Variants in SLC44A5 observed in about 807,000 individuals in gnomAD.
The protein encoded by SLC44A5 is solute carrier family 44 member 5.
In SLC44A5, 57 loss-of-function variants were observed where a neutral mutation model predicts 101.8. That is an observed-to-expected ratio of 0.56 (90% CI 0.45 to 0.70). The LOEUF is 0.70. SLC44A5 is among the 30% of genes least tolerant of loss of function. SLC44A5 has a pLI of 0.00. For synonymous variants in SLC44A5, 281 were observed against 290.9 expected, an observed-to-expected ratio of 0.97 and a Z score of 0.35; for missense variants, 737 against 853.1, an observed-to-expected ratio of 0.86 and a Z score of 1.70.
intron 1 of SLC44A5, among the ~76,000 whole-genome samples, chr1:75,554,852 G>A (rs1038572873): frequency 2.0e-5 from 3 of 151,998 alleles, no homozygotes. Context: ...AATAGATTCA[G>A]TTATGTTAAG....
rs1194911074 is a variant in SLC44A5, at chr1:75,246,364, T to G, written c.346-3353A>C. 4.6e-5 allele frequency among the ~76,000 whole-genome samples: 7 copies of G among 152,212 alleles called. No individual in the cohort carries two copies. In the East Asian group the frequency reaches 1.4e-3, roughly 30 times the overall value. ...TTGTAGAGTACAGTGGAAAAATTCT[T>G]AACTAGAAGTAGGAAGATATTCATT... On this transcript the variant is annotated intron_variant, in intron 7 of 23. Coordinates refer to ENST00000370859, the MANE Select transcript of SLC44A5 (RefSeq NM_001130058.2).
chr1:75,439,205 T>C (rs1215868641), intron 2 of SLC44A5, among the ~76,000 whole-genome samples: 1 of 152,098 alleles, frequency 6.6e-6, no homozygotes, highest in Non-Finnish European at 1.5e-5. Context: ...TCTTGCCCTT[T>C]CTTTGCTCAT....
At chr1:75,335,942 A>G (rs899123443) in intron 4 of SLC44A5, among the ~76,000 whole-genome samples, 1 of 152,150 alleles carries the variant, frequency 6.6e-6, no homozygotes, top group African/African-American at 2.4e-5. Flanking sequence ...CATTTGGTGC[A>G]CAGCCCATGT....
At chr1:75,694,325 A>G in the SLC44A5 span, among the ~76,000 whole-genome samples, 1 of 151,930 alleles carries the variant, frequency 6.6e-6, no homozygotes, top group Admixed American at 6.6e-5. Flanking sequence ...GAGTTTGTGC[A>G]CATTCTATTC....
intron 4 of SLC44A5, among the ~76,000 whole-genome samples, chr1:75,323,103 C>A (rs1295835612): frequency 4.7e-5 from 7 of 147,386 alleles, no homozygotes; most frequent in African/African-American, 1.8e-4. Context: ...CCCCCCACCC[C>A]ACAACAGTCC....
At chr1:75,596,927 A>G (rs958774852) in intron 1 of SLC44A5, among the ~76,000 whole-genome samples, 2 of 152,162 alleles carry the variant, frequency 1.3e-5, no homozygotes, top group African/African-American at 2.4e-5. Context: ...CCTATTTAAC[A>G]TAGTATTAGA....
the SLC44A5 span, among the ~76,000 whole-genome samples, chr1:75,689,337 A>C: frequency 1.3e-5 from 2 of 152,126 alleles, no homozygotes; most frequent in African/African-American, 4.8e-5. Context: ...AGATTTCCAA[A>C]CTGGAAGTAA....
chr1:75,533,144 G>C (rs1265103838), intron 2 of SLC44A5, among the ~76,000 whole-genome samples: 1 of 152,100 alleles, frequency 6.6e-6, no homozygotes, highest in African/African-American at 2.4e-5. Context: ...GTTCTCTGAT[G>C]ACTGAATGAC....
At chr1:75,591,876 C>A (rs1054792314) in intron 1 of SLC44A5, among the ~76,000 whole-genome samples, 1 of 151,066 alleles carries the variant, frequency 6.6e-6, no homozygotes, top group Admixed American at 6.6e-5. Context: ...AGAAGGAACA[C>A]AACTCAACAG....
intron 5 of SLC44A5, among the ~76,000 whole-genome samples, chr1:75,297,728 C>G (rs1296623136): frequency 6.6e-6 from 1 of 152,110 alleles, no homozygotes; most frequent in Non-Finnish European, 1.5e-5. Flanking sequence ...TAGTAACCAT[C>G]ACCAAAGTAG....
At chr1:75,346,241 A>T (rs2101052736) in intron 3 of SLC44A5, among the ~76,000 whole-genome samples, 1 of 152,302 alleles carries the variant, frequency 6.6e-6, no homozygotes, top group South Asian at 2.1e-4. Context: ...CTTCCTAAAT[A>T]AGAGATGATG....
upstream of SLC44A5, among the ~76,000 whole-genome samples, chr1:75,612,926 T>C (rs1473180396): frequency 2.6e-5 from 4 of 152,214 alleles, no homozygotes; most frequent in African/African-American, 9.6e-5. Context: ...TTATCAATAT[T>C]GGATTGTAAA....
At chr1:75,642,121 T>G in the SLC44A5 span, 1 of 1,031,740 alleles carries the variant, frequency 9.7e-7, no homozygotes. Flanking sequence ...ATAATTGAAG[T>G]GATATATATT....
chr1:75,715,628 C>A, the SLC44A5 span, among the ~76,000 whole-genome samples: 1 of 152,170 alleles, frequency 6.6e-6, no homozygotes, highest in Admixed American at 6.5e-5. Context: ...TTCTTTATAT[C>A]ATATACAAAA....
chr1:75,384,322 CAG>C (rs1265535928), intron 3 of SLC44A5, among the ~76,000 whole-genome samples: 1 of 149,278 alleles, frequency 6.7e-6, no homozygotes, highest in African/African-American at 2.5e-5. Flanking sequence ...ATCTCACGTG[CAG>C]AGACACACAT....
the SLC44A5 span, among the ~76,000 whole-genome samples, chr1:75,668,481 T>C: frequency 4.0e-5 from 6 of 150,632 alleles, 1 homozygote; most frequent in African/African-American, 1.5e-4. Flanking sequence ...TATGACACCA[T>C]GCCCGGTTAA....
At chr1:75,344,516 T>G (rs1366150461) in intron 3 of SLC44A5, among the ~76,000 whole-genome samples, 1 of 152,120 alleles carries the variant, frequency 6.6e-6, no homozygotes, top group East Asian at 1.9e-4. Flanking sequence ...TTTATCTGGG[T>G]GAGCCCAATG....
At chr1:75,385,737 C>T (rs1027026516) in intron 3 of SLC44A5, among the ~76,000 whole-genome samples, 4 of 152,072 alleles carry the variant, frequency 2.6e-5, no homozygotes, top group South Asian at 2.1e-4. Context: ...ATACCAAAGC[C>T]GGGCAGAGAC....
At chr1:75,682,650 C>T in the SLC44A5 span, among the ~76,000 whole-genome samples, 1 of 151,774 alleles carries the variant, frequency 6.6e-6, no homozygotes. Context: ...ACCATAAAAA[C>T]CCTAGAAGAA....
Sources: gnomAD v4.1 joint callset for allele counts (sites outside exome capture counted in the v4.1 genomes callset) on GRCh38, gnomAD v4.1.1 for gene constraint, MANE v1.5 for transcripts, NCBI Gene and HGNC (gene_info 2026-07-23, HGNC 2026-07-21) for gene names.